Variants in RAB3C observed in about 807,000 individuals in gnomAD.
The protein encoded by RAB3C is ras-related protein Rab-3C.
A neutral mutation model predicts 26.4 loss-of-function variants in RAB3C; 17 were observed. The observed-to-expected ratio is 0.64, with a 90% CI of 0.44 to 0.97. The LOEUF (loss-of-function observed/expected upper bound fraction) is 0.97. Among genes scored for constraint, RAB3C ranks in the 50% least tolerant of loss-of-function variants. RAB3C has a pLI of 0.00. For missense variants in RAB3C, 242 were observed against 281.9 expected, an observed-to-expected ratio of 0.86 and a Z score of 1.01; for synonymous variants, 91 against 95.9, an observed-to-expected ratio of 0.95 and a Z score of 0.30.
chr5:58,810,383 CTCTGTG>C (rs1288494651), intron 3 of RAB3C, among the ~76,000 whole-genome samples: 17 of 145,730 alleles, frequency 1.2e-4, no homozygotes, highest in Non-Finnish European at 2.0e-4. Context: ...CTCTCTCTCT[CTCTGTG>C]TGTGTGTGTG....
At chr5:58,612,534 A>ATGTG in intron 1 of RAB3C, among the ~76,000 whole-genome samples, 2 of 102,756 alleles carry the variant, frequency 1.9e-5, no homozygotes, top group African/African-American at 7.4e-5. Context: ...ATATATATAT[A>ATGTG]TATATATATA....
intron 2 of RAB3C, among the ~76,000 whole-genome samples, chr5:58,641,492 A>C (rs2111769186): frequency 6.6e-6 from 1 of 152,318 alleles, no homozygotes; most frequent in South Asian, 2.1e-4. Context: ...AACCAGGAGA[A>C]ATGCTAAGGA....
At position 58,851,510 on chromosome 5, in the gene RAB3C, T is replaced by C. The variant is rs1456380506; in HGVS notation, c.*159T>C. On this transcript the variant is annotated 3_prime_UTR_variant, in exon 5 of 5. Transcript: ENST00000282878. ...CATTCAATTCTTGGGAGCTTTCCTGTTTAATATGTGGCAAATATGTGATCT... is the reference window on the plus strand; with the variant it reads ...CATTCAATTCTTGGGAGCTTTCCTGCTTAATATGTGGCAAATATGTGATCT... 1.9e-6 allele frequency: 1 copy of C among 513,430 alleles called. No homozygotes were observed. Among genetic ancestry groups the C allele is most frequent in the East Asian group, 3.2e-5 (1 of 31,132 alleles). The allele number at this position is 513,430 out of a possible 1,614,324, so 31.8% of individuals were successfully genotyped here.
At chr5:58,659,369 T>A (rs959651564) in intron 2 of RAB3C, among the ~76,000 whole-genome samples, 2 of 152,238 alleles carry the variant, frequency 1.3e-5, no homozygotes, top group Admixed American at 1.3e-4. Flanking sequence ...CCTTTGAGAA[T>A]ATGCCTGGCA....
chr5:58,632,951 A>G (rs1053138494), intron 2 of RAB3C, among the ~76,000 whole-genome samples: 1 of 152,182 alleles, frequency 6.6e-6, no homozygotes, highest in Admixed American at 6.5e-5. Flanking sequence ...TCAGTTTTCT[A>G]TTCTAGTCTC....
At chr5:58,626,606 T>C (rs1188395348) in intron 2 of RAB3C, among the ~76,000 whole-genome samples, 1 of 152,208 alleles carries the variant, frequency 6.6e-6, no homozygotes, top group Middle Eastern at 3.2e-3. Flanking sequence ...AACTTCTCCA[T>C]GCCAGTGTTT....
chr5:58,783,578 C>CAAAG (rs376675305), intron 3 of RAB3C, among the ~76,000 whole-genome samples: 118,822 of 151,760 alleles, frequency 0.78, 46,682 homozygotes, highest in African/African-American at 0.83. Context: ...AGTTGTCTCA[C>CAAAG]TTTGCACCGA....
At chr5:58,621,447 A>G (rs773296957) in intron 2 of RAB3C, among the ~76,000 whole-genome samples, 4 of 152,238 alleles carry the variant, frequency 2.6e-5, no homozygotes, top group Non-Finnish European at 5.9e-5. Flanking sequence ...TTTCTACTAC[A>G]TTATACTTCT....
intron 3 of RAB3C, chr5:58,788,308 A>G (rs1742439393): frequency 6.6e-6 from 1 of 152,250 alleles, no homozygotes. Context: ...TTTGTGTTTA[A>G]TGCACTTGCT....
intron 3 of RAB3C, among the ~76,000 whole-genome samples, chr5:58,743,691 G>A (rs943860007): frequency 6.6e-6 from 1 of 152,016 alleles, no homozygotes; most frequent in Non-Finnish European, 1.5e-5. Flanking sequence ...GTGTTCATTT[G>A]CTGAGAATGA....
intron 3 of RAB3C, among the ~76,000 whole-genome samples, chr5:58,738,173 G>GT (rs533863910): frequency 1.3e-5 from 2 of 152,070 alleles, no homozygotes; most frequent in African/African-American, 2.4e-5. Flanking sequence ...GGGTTCTCTT[G>GT]TTTTTTTCCC....
At chr5:58,780,620 A>T (rs1331959494) in intron 3 of RAB3C, among the ~76,000 whole-genome samples, 1 of 152,064 alleles carries the variant, frequency 6.6e-6, no homozygotes, top group East Asian at 1.9e-4. Context: ...TCCAGGTATT[A>T]CCTTATGAAC....
At chr5:58,685,633 C>A (rs531721576) in intron 2 of RAB3C, among the ~76,000 whole-genome samples, 18 of 152,148 alleles carry the variant, frequency 1.2e-4, no homozygotes, top group Non-Finnish European at 2.4e-4. Context: ...TCTGAGAGAA[C>A]TGGCTCAAGC....
At chr5:58,602,729 C>T (rs1296336624) in intron 1 of RAB3C, among the ~76,000 whole-genome samples, 2 of 151,970 alleles carry the variant, frequency 1.3e-5, no homozygotes, top group Non-Finnish European at 2.9e-5. Flanking sequence ...TATGTGAGTC[C>T]TTATGTTTTA....
At chr5:58,725,867 A>G (rs1321551584) in intron 2 of RAB3C, 135 bp from the exon 3 acceptor site, 1 of 501,562 alleles carries the variant, frequency 2.0e-6, no homozygotes, top group Non-Finnish European at 3.6e-6. Context: ...GGGAAACAAG[A>G]CCAAAAAAGA....
At chr5:58,807,345 G>T (rs1243650304) in intron 3 of RAB3C, among the ~76,000 whole-genome samples, 1 of 152,192 alleles carries the variant, frequency 6.6e-6, no homozygotes. Context: ...ACTTTAGAAA[G>T]ATTAATTTCA....
At chr5:58,638,938 A>C (rs1747349647) in intron 2 of RAB3C, among the ~76,000 whole-genome samples, 1 of 152,118 alleles carries the variant, frequency 6.6e-6, no homozygotes, top group African/African-American at 2.4e-5. Flanking sequence ...ATCCCACCTC[A>C]AGCACACCAT....
At chr5:58,673,485 C>T (rs1561285319) in intron 2 of RAB3C, among the ~76,000 whole-genome samples, 1 of 142,036 alleles carries the variant, frequency 7.0e-6, no homozygotes, top group Non-Finnish European at 1.5e-5. Flanking sequence ...CACACACACA[C>T]ACATACAATT....
At chr5:58,645,257 C>A (rs1219164218) in intron 2 of RAB3C, among the ~76,000 whole-genome samples, 1 of 152,152 alleles carries the variant, frequency 6.6e-6, no homozygotes, top group Non-Finnish European at 1.5e-5. Context: ...TTATTAGCAC[C>A]ACAGTATATA....
Sources: gnomAD v4.1 joint callset for allele counts (sites outside exome capture counted in the v4.1 genomes callset) on GRCh38, gnomAD v4.1.1 for gene constraint, MANE v1.5 for transcripts, NCBI Gene and HGNC (gene_info 2026-07-23, HGNC 2026-07-21) for gene names.